The following STXBP5L variants were observed in gnomAD, a reference collection of about 807,000 sequenced individuals.
The protein encoded by STXBP5L is syntaxin-binding protein 5-like.
A neutral mutation model predicts 144.5 loss-of-function variants in STXBP5L; 65 were observed. The ratio of observed to expected loss-of-function variants is 0.45; its 90% confidence interval spans 0.37 to 0.55. The LOEUF (loss-of-function observed/expected upper bound fraction) is 0.55. STXBP5L is among the 20% of genes least tolerant of loss of function. STXBP5L has a pLI of 0.00. For synonymous variants in STXBP5L, 505 were observed against 469.6 expected (o/e 1.08, Z -0.97); for missense variants, 1,298 against 1,405.5 (o/e 0.92, Z 1.22).
chr3:120,971,422 C>T (rs663363), intron 3 of STXBP5L, among the ~76,000 whole-genome samples: 32,310 of 151,516 alleles, frequency 0.21, 3,675 homozygotes, highest in Non-Finnish European at 0.26. Flanking sequence ...CCTCCAATGT[C>T]TATTATTCAA....
intron 9 of STXBP5L, among the ~76,000 whole-genome samples, chr3:121,162,405 A>T (rs1322200583): frequency 6.6e-6 from 1 of 152,180 alleles, no homozygotes; most frequent in East Asian, 1.9e-4. Flanking sequence ...CTTATACCTT[A>T]TATAAAAATC....
chr3:121,097,274 C>T (rs2043178103), intron 5 of STXBP5L, among the ~76,000 whole-genome samples: 3 of 152,166 alleles, frequency 2.0e-5, no homozygotes, highest in Admixed American at 2.0e-4. Flanking sequence ...CCGAGCCAGA[C>T]CACTTGGCTC....
intron 9 of STXBP5L, among the ~76,000 whole-genome samples, chr3:121,188,811 A>C (rs2047509301): frequency 6.6e-6 from 1 of 152,190 alleles, no homozygotes; most frequent in African/African-American, 2.4e-5. Context: ...ACATATCTCC[A>C]AATAATAAGA....
rs553784509 is a variant in STXBP5L, at chr3:121,093,116, T to C, written c.471-21809T>C. On this transcript the variant is annotated intron_variant, in intron 5 of 26. Coordinates refer to ENST00000471454, the MANE Select transcript of STXBP5L (RefSeq NM_001308330.2). ...TCGAACCAGCCTTGCATCCCAGGGATGAAGCCCATTTGATCATGGTGGAGA... is the reference window on the plus strand; with the variant it reads ...TCGAACCAGCCTTGCATCCCAGGGACGAAGCCCATTTGATCATGGTGGAGA... Among the ~76,000 whole-genome samples, 147 of 152,376 alleles carry C rather than the reference T, an allele frequency of 9.6e-4. 1 individual carries two copies. The highest frequency in any genetic ancestry group is 3.1e-3 in the African/African-American group (131 of 41,590).
chr3:121,089,531 TTTTTTC>T (rs1373114497), intron 5 of STXBP5L, among the ~76,000 whole-genome samples: 1 of 152,024 alleles, frequency 6.6e-6, no homozygotes, highest in African/African-American at 2.4e-5. Context: ...TAAAGATTTT[TTTTTTC>T]TTTTCTTCCT....
At chr3:120,946,823 G>A (rs951653478) in intron 2 of STXBP5L, among the ~76,000 whole-genome samples, 3 of 151,546 alleles carry the variant, frequency 2.0e-5, no homozygotes, top group Admixed American at 6.6e-5. Context: ...CCAATGGGAG[G>A]CACTTATGTC....
intron 7 of STXBP5L, among the ~76,000 whole-genome samples, chr3:121,143,023 AG>A (rs1325805044): frequency 6.6e-6 from 1 of 151,932 alleles, no homozygotes; most frequent in Non-Finnish European, 1.5e-5. Flanking sequence ...CAGAAATGAA[AG>A]GAGTGATTTA....
intron 7 of STXBP5L, among the ~76,000 whole-genome samples, chr3:121,122,644 G>T (rs2044518077): frequency 6.6e-6 from 1 of 151,456 alleles, no homozygotes; most frequent in South Asian, 2.1e-4. Context: ...AATGGTACTG[G>T]ATAATTGGTT....
intron 9 of STXBP5L, among the ~76,000 whole-genome samples, chr3:121,191,590 G>C (rs1004633775): frequency 6.6e-6 from 1 of 152,082 alleles, no homozygotes; most frequent in East Asian, 1.9e-4. Flanking sequence ...TTCCAATTCT[G>C]TGAAGAAAGT....
At chr3:120,947,915 T>C (rs1232561401) in intron 2 of STXBP5L, among the ~76,000 whole-genome samples, 1 of 151,856 alleles carries the variant, frequency 6.6e-6, no homozygotes, top group Non-Finnish European at 1.5e-5. Context: ...CTATGAACAT[T>C]ACAAGAGCTT....
At chr3:120,992,657 A>T (rs1012437806) in intron 3 of STXBP5L, among the ~76,000 whole-genome samples, 24 of 152,124 alleles carry the variant, frequency 1.6e-4, no homozygotes, top group African/African-American at 5.8e-4. Flanking sequence ...ATAACTGAAT[A>T]GATTTCATTT....
intron 3 of STXBP5L, among the ~76,000 whole-genome samples, chr3:120,987,368 G>T (rs1455484797): frequency 1.3e-5 from 2 of 151,838 alleles, no homozygotes; most frequent in Admixed American, 1.3e-4. Context: ...ATTTCATGCT[G>T]GCTAATGACA....
At chr3:121,016,125 C>T (rs907405741) in intron 3 of STXBP5L, among the ~76,000 whole-genome samples, 11 of 152,200 alleles carry the variant, frequency 7.2e-5, no homozygotes, top group East Asian at 1.9e-4. Context: ...CACAGATTAA[C>T]GTAAATACTC....
At chr3:121,016,027 A>G (rs1461410834) in intron 3 of STXBP5L, among the ~76,000 whole-genome samples, 1 of 152,230 alleles carries the variant, frequency 6.6e-6, no homozygotes, top group Non-Finnish European at 1.5e-5. Context: ...CAAGAAGTCC[A>G]AAGTCAAGAA....
chr3:121,294,528 G>C lies in STXBP5L; in HGVS notation c.2110+14572G>C, dbSNP rs531292635. The stretch of plus-strand genomic sequence containing the variant: ...GATGAGAGGTCTAGGGCAATAATTT[G>C]AGTCTTTAGCATATAGGTGGTATAT... On this transcript the variant is annotated intron_variant, in intron 19 of 26. Coordinates refer to ENST00000471454, the MANE Select transcript of STXBP5L (RefSeq NM_001308330.2). Among the ~76,000 whole-genome samples the C allele has an allele frequency of 3.3e-5, 5 of 152,206 alleles. No homozygotes were observed. The East Asian group carries it at 7.7e-4, about 23-fold the overall frequency.
chr3:121,285,145 T>C (rs997467683), intron 19 of STXBP5L, among the ~76,000 whole-genome samples: 1 of 152,068 alleles, frequency 6.6e-6, no homozygotes, highest in Non-Finnish European at 1.5e-5. Flanking sequence ...TAGAACCCAG[T>C]TCCATTGATT....
chr3:121,178,600 A>G (rs1454350527), intron 9 of STXBP5L, among the ~76,000 whole-genome samples: 1 of 152,214 alleles, frequency 6.6e-6, no homozygotes, highest in East Asian at 1.9e-4. Context: ...ACAAGTTTGC[A>G]GAGTGTGAGA....
At chr3:121,342,039 A>T (rs1018927445) in intron 20 of STXBP5L, among the ~76,000 whole-genome samples, 2 of 152,064 alleles carry the variant, frequency 1.3e-5, no homozygotes, top group Non-Finnish European at 1.5e-5. Context: ...GATGTGATAG[A>T]TATCACATTT....
intron 3 of STXBP5L, among the ~76,000 whole-genome samples, chr3:120,974,302 G>C (rs939888315): frequency 6.6e-6 from 1 of 152,056 alleles, no homozygotes; most frequent in Non-Finnish European, 1.5e-5. Flanking sequence ...GTGATGATGA[G>C]CACTTTTTCA....
Sources: gnomAD v4.1 joint callset for allele counts (sites outside exome capture counted in the v4.1 genomes callset) on GRCh38, gnomAD v4.1.1 for gene constraint, MANE v1.5 for transcripts, NCBI Gene and HGNC (gene_info 2026-07-23, HGNC 2026-07-21) for gene names.